The following CELF1 variants were observed in gnomAD, a reference collection of about 807,000 sequenced individuals.
The protein encoded by CELF1 is CUGBP Elav-like family member 1.
CELF1 carries 10 observed loss-of-function variants against 61.8 expected under a neutral mutation model. The ratio of observed to expected loss-of-function variants is 0.16; its 90% CI spans 0.10 to 0.27. The LOEUF (loss-of-function observed/expected upper bound fraction) is 0.27. CELF1 is among the 10% of genes least tolerant of loss of function. The pLI, the probability that CELF1 is intolerant of heterozygous loss-of-function variation, is 1.00. For synonymous variants in CELF1, 236 were observed against 225.1 expected (o/e 1.05, Z -0.43); for missense variants, 380 against 639.1 (o/e 0.59, Z 4.37).
At chr11:47,536,076 T>C (rs1390071827) in intron 1 of CELF1, among the ~76,000 whole-genome samples, 1 of 152,132 alleles carries the variant, frequency 6.6e-6, no homozygotes, top group African/African-American at 2.4e-5. Context: ...AGTTTGTTTT[T>C]AAATAGTTTC....
intron 9 of CELF1, among the ~76,000 whole-genome samples, chr11:47,481,686 C>G (rs1374168417): frequency 6.6e-6 from 1 of 152,120 alleles, no homozygotes; most frequent in African/African-American, 2.4e-5. Context: ...GTGGTTTTAA[C>G]TGTCTTGTGC....
rs2076832108 is a variant in CELF1, at chr11:47,467,298, C to G, written c.*4932G>C. The G allele has an allele frequency of 2.0e-5, 3 of 152,348 alleles. No homozygotes were observed. The highest frequency in any genetic ancestry group is 4.4e-5 in the Non-Finnish European group (3 of 68,158). The allele number at this position is 152,348 out of a possible 1,614,324, so 9.4% of individuals were successfully genotyped here. ...CATTCTTACTCAAGTCTCCAAGACCCTGAGGCTGGATGGTGCCACAAGAGA... is the reference window on the plus strand; with the variant it reads ...CATTCTTACTCAAGTCTCCAAGACCGTGAGGCTGGATGGTGCCACAAGAGA... On this transcript the variant is annotated 3_prime_UTR_variant, in exon 15 of 15. Transcript: ENST00000687097.
rs1369525848 is a variant in CELF1 at position 47,538,386 on chromosome 11, C to G, written c.-154+14606G>C. On this transcript the variant is annotated intron_variant, in intron 1 of 14. Coordinates refer to ENST00000687097, the MANE Select transcript of CELF1 (RefSeq NM_001376376.1). Reference sequence around the variant, plus strand: ...TGGCTGGGCGTGGTGGCTCACGCCTCTAATCCCAGCACTTTGGGAGGCCCA... The same window carrying G: ...TGGCTGGGCGTGGTGGCTCACGCCTGTAATCCCAGCACTTTGGGAGGCCCA... 2.8e-4 allele frequency among the ~76,000 whole-genome samples: 43 copies of G among 152,108 alleles called. 1 individual carries two copies. Among genetic ancestry groups the G allele is most frequent in the Admixed American group, 2.7e-3 (41 of 15,252 alleles).
At chr11:47,545,186 T>C (rs990277242) in intron 1 of CELF1, among the ~76,000 whole-genome samples, 2 of 151,886 alleles carry the variant, frequency 1.3e-5, no homozygotes, top group African/African-American at 4.8e-5. Context: ...TCCCAGCACT[T>C]TGGGAAGCCG....
intron 1 of CELF1, among the ~76,000 whole-genome samples, chr11:47,541,705 AG>A (rs1565904224): frequency 0.32 from 6,379 of 20,160 alleles, 937 homozygotes; most frequent in South Asian, 0.37. Context: ...AAAGAAAGAA[AG>A]AAAGAAAGAA....
chr11:47,519,169 AATTCT>A (rs1319996606), intron 1 of CELF1, among the ~76,000 whole-genome samples: 1 of 152,086 alleles, frequency 6.6e-6, no homozygotes, highest in Non-Finnish European at 1.5e-5. Context: ...CCCTAAGACA[AATTCT>A]ATTCTATTCT....
intron 1 of CELF1, among the ~76,000 whole-genome samples, chr11:47,548,020 G>T (rs998433990): frequency 7.9e-5 from 12 of 152,162 alleles, no homozygotes; most frequent in Non-Finnish European, 1.5e-4. Flanking sequence ...GTTAAAACGG[G>T]CCGGGCACGG....
chr11:47,550,796 A>G (rs771628760), intron 1 of CELF1, among the ~76,000 whole-genome samples: 33 of 152,146 alleles, frequency 2.2e-4, no homozygotes, highest in Middle Eastern at 6.3e-3. Flanking sequence ...CTATTACATC[A>G]TGGGTATTTC....
intron 1 of CELF1, among the ~76,000 whole-genome samples, chr11:47,534,022 C>CTT (rs71042679): frequency 0.27 from 23,511 of 87,434 alleles, 2,514 homozygotes; most frequent in South Asian, 0.36. Flanking sequence ...TTTTTCTTTC[C>CTT]TTTTTTTTTT....
At chr11:47,544,010 A>T (rs1394185287) in intron 1 of CELF1, among the ~76,000 whole-genome samples, 1 of 152,246 alleles carries the variant, frequency 6.6e-6, no homozygotes, top group Non-Finnish European at 1.5e-5. Context: ...GTAGACTCTC[A>T]AAGTAGAAAT....
At chr11:47,507,720 A>G (rs1055298854) in intron 1 of CELF1, among the ~76,000 whole-genome samples, 3 of 152,214 alleles carry the variant, frequency 2.0e-5, no homozygotes, top group African/African-American at 4.8e-5. Flanking sequence ...GAATTCTGAA[A>G]GACAAAGCCA....
chr11:47,560,910 G>A (rs568236538), intron 2 of CELF1, among the ~76,000 whole-genome samples: 42 of 151,762 alleles, frequency 2.8e-4, no homozygotes, highest in African/African-American at 2.7e-4. Flanking sequence ...AGTCCGAGGC[G>A]GACAGATCAC....
chr11:47,562,255 G>T (rs985538514), intron 2 of CELF1, among the ~76,000 whole-genome samples: 10 of 150,812 alleles, frequency 6.6e-5, no homozygotes, highest in Admixed American at 2.6e-4. Flanking sequence ...GTTGGGTGGG[G>T]TGGCTCACAC....
chr11:47,540,827 G>A (rs2096755340), intron 1 of CELF1, among the ~76,000 whole-genome samples: 1 of 152,150 alleles, frequency 6.6e-6, no homozygotes, highest in Admixed American at 6.6e-5. Context: ...GGAGGCTGCA[G>A]TGAGCCGAGA....
chr11:47,489,656 T>G (rs1186678333), intron 3 of CELF1, among the ~76,000 whole-genome samples: 1 of 152,184 alleles, frequency 6.6e-6, no homozygotes, highest in East Asian at 1.9e-4. Context: ...ACATAAACAA[T>G]GTTACCATCA....
chr11:47,546,236 C>CTTTT (rs11315629), intron 1 of CELF1, among the ~76,000 whole-genome samples: 2 of 79,200 alleles, frequency 2.5e-5, no homozygotes, highest in African/African-American at 1.0e-4. Flanking sequence ...CTCTCAGTAT[C>CTTTT]TTTTTTTTTT....
intron 3 of CELF1, 133 bp downstream of exon 3, chr11:47,499,320 G>T (rs946692681): frequency 1.1e-5 from 7 of 647,026 alleles, no homozygotes; most frequent in African/African-American, 7.3e-5. Flanking sequence ...TAGCATGAGA[G>T]AATTCAGGTT....
intron 1 of CELF1, among the ~76,000 whole-genome samples, chr11:47,521,684 T>C (rs966572957): frequency 6.6e-6 from 1 of 152,246 alleles, no homozygotes; most frequent in African/African-American, 2.4e-5. Context: ...CATTTGCTAC[T>C]ATTATTATTC....
Position 47,546,927 on chromosome 11 carries a change from G to A in CELF1, c.-154+6065C>T, listed in dbSNP as rs544100933. 1.9e-3 allele frequency among the ~76,000 whole-genome samples: 288 copies of A among 151,708 alleles called. 1 individual carries two copies. Among genetic ancestry groups the A allele is most frequent in the Middle Eastern group, 0.014 (4 of 292 alleles). On this transcript the variant is annotated intron_variant, in intron 1 of 14. Transcript: ENST00000687097. Reference sequence around the variant, plus strand: ...CTAAAAATACAAAAAATTAGCTGGGGGTCATGGCATATGCCTGTAATCCCA... The same window carrying A: ...CTAAAAATACAAAAAATTAGCTGGGAGTCATGGCATATGCCTGTAATCCCA...
Sources: gnomAD v4.1 joint callset for allele counts (sites outside exome capture counted in the v4.1 genomes callset) on GRCh38, gnomAD v4.1.1 for gene constraint, MANE v1.5 for transcripts, NCBI Gene and HGNC (gene_info 2026-07-23, HGNC 2026-07-21) for gene names.